The following MYRIP variants were observed in gnomAD, a reference collection of about 807,000 sequenced individuals.
The protein encoded by MYRIP is rab effector MyRIP.
A neutral mutation model predicts 98.0 loss-of-function variants in MYRIP; 49 were observed. The ratio of observed to expected loss-of-function variants is 0.50; its 90% CI spans 0.40 to 0.63. The LOEUF (loss-of-function observed/expected upper bound fraction) is 0.63. Ranked by LOEUF, MYRIP falls within the 30% of genes least tolerant of loss-of-function variation. The probability of loss-of-function intolerance (pLI) is 0.00; values close to 1 mark genes in which losing one functional copy is unlikely to be tolerated. For missense variants in MYRIP, 1,004 were observed against 1,058.2 expected, an observed-to-expected ratio of 0.95 and a Z score of 0.71; for synonymous variants, 404 against 409.5, an observed-to-expected ratio of 0.99 and a Z score of 0.16.
At chr3:40,209,827 CAT>C in intron 10 of MYRIP, 25 bp from the exon 11 acceptor site, 2 of 1,613,106 alleles carry the variant, frequency 1.2e-6, no homozygotes, top group Non-Finnish European at 1.7e-6. Flanking sequence ...GAGGGCTCCT[CAT>C]CTCATGATTC....
intron 5 of MYRIP, among the ~76,000 whole-genome samples, chr3:40,163,940 C>T (rs1950450335): frequency 6.6e-6 from 1 of 152,184 alleles, no homozygotes; most frequent in South Asian, 2.1e-4. Context: ...GGTTACCACA[C>T]ACCATTGTAT....
chr3:39,888,798 C>T (rs1326221831), intron 1 of MYRIP, among the ~76,000 whole-genome samples: 3 of 152,146 alleles, frequency 2.0e-5, no homozygotes, highest in Non-Finnish European at 4.4e-5. Context: ...AGGGTAATAT[C>T]CAGAATCTAC....
At chr3:40,017,693 C>CTTTTTT (rs904657247) in intron 2 of MYRIP, among the ~76,000 whole-genome samples, 40 of 114,774 alleles carry the variant, frequency 3.5e-4, no homozygotes, top group African/African-American at 8.6e-4. Context: ...TAATTTACTT[C>CTTTTTT]TTTTTTTTTT....
chr3:39,956,625 A>T (rs1338124185), intron 2 of MYRIP, among the ~76,000 whole-genome samples: 2 of 152,166 alleles, frequency 1.3e-5, no homozygotes, highest in Non-Finnish European at 2.9e-5. Context: ...AGAACTAGAG[A>T]AGCAAGAGCA....
At chr3:40,236,560 G>T (rs941668912) in intron 12 of MYRIP, among the ~76,000 whole-genome samples, 8 of 152,106 alleles carry the variant, frequency 5.3e-5, no homozygotes, top group African/African-American at 1.9e-4. Flanking sequence ...GATTTGTGAT[G>T]AAAAAAACAG....
chr3:40,041,529 C>T (rs545187783), intron 2 of MYRIP, among the ~76,000 whole-genome samples: 4 of 149,890 alleles, frequency 2.7e-5, no homozygotes, highest in Non-Finnish European at 4.5e-5. Flanking sequence ...GAGGAACATT[C>T]GACAAAATAG....
chr3:39,960,594 G>C (rs1326789570), intron 2 of MYRIP, among the ~76,000 whole-genome samples: 1 of 152,098 alleles, frequency 6.6e-6, no homozygotes, highest in Non-Finnish European at 1.5e-5. Context: ...TATTAAGACA[G>C]CACTATTTCT....
intron 3 of MYRIP, among the ~76,000 whole-genome samples, chr3:40,088,160 T>G (rs1948666925): frequency 6.6e-6 from 1 of 152,154 alleles, no homozygotes; most frequent in Admixed American, 6.5e-5. Flanking sequence ...TTTTGGCACC[T>G]GCTTTGATTG....
chr3:39,861,769 A>G (rs1353190315), intron 1 of MYRIP, among the ~76,000 whole-genome samples: 1 of 152,202 alleles, frequency 6.6e-6, no homozygotes, highest in African/African-American at 2.4e-5. Flanking sequence ...TAGCTCTCTG[A>G]AATAATTCAG....
chr3:39,995,256 T>C (rs942426607), intron 2 of MYRIP, among the ~76,000 whole-genome samples: 1 of 151,996 alleles, frequency 6.6e-6, no homozygotes, highest in African/African-American at 2.4e-5. Flanking sequence ...AGGAGGAAGT[T>C]CAAACCCATG....
At chr3:40,051,565 G>T (rs528040825) in intron 3 of MYRIP, among the ~76,000 whole-genome samples, 2 of 152,066 alleles carry the variant, frequency 1.3e-5, no homozygotes, top group East Asian at 3.9e-4. Context: ...TGTGATATTC[G>T]CTTTATTGTG....
Position 40,189,880 on chromosome 3 carries a change from G to A in MYRIP, c.1082G>A (p.Gly361Asp), listed in dbSNP as rs772201288. The change falls in exon 10 of 17, where the codon GGC becomes GAC. Residue 361 changes from glycine to aspartate, a missense_variant. This residue lies in a region of MYRIP where 880 missense variants were observed against 907.7 expected (regional missense o/e 0.97). Coordinates refer to ENST00000302541, the MANE Select transcript of MYRIP (RefSeq NM_015460.4). ...PDGNWVALKDGAPPPTRLLAK... is the reference protein window; with the variant it reads ...PDGNWVALKDDAPPPTRLLAK... ...GGGAACTGGGTGGCCCTGAAGGATG[G>A]CGCTCCACCCCCCACCCGACTACTG... is the stretch of plus-strand genomic sequence containing the variant. The A allele has an allele frequency of 1.1e-5, 17 of 1,614,002 alleles. No individual in the cohort carries two copies. The Admixed American group carries it at 2.8e-4, about 27-fold the overall frequency.
intron 2 of MYRIP, among the ~76,000 whole-genome samples, chr3:40,031,270 G>C (rs143489193): frequency 6.6e-6 from 1 of 152,046 alleles, no homozygotes; most frequent in African/African-American, 2.4e-5. Flanking sequence ...CATTCACGAG[G>C]ATTTTACTCT....
At chr3:40,144,693 GC>G (rs1189452602) in intron 3 of MYRIP, among the ~76,000 whole-genome samples, 1 of 152,142 alleles carries the variant, frequency 6.6e-6, no homozygotes, top group African/African-American at 2.4e-5. Flanking sequence ...TAGAAGCAAG[GC>G]TTTCTGTATT....
chr3:39,901,674 G>A (rs1943746663), intron 2 of MYRIP, among the ~76,000 whole-genome samples: 1 of 152,106 alleles, frequency 6.6e-6, no homozygotes, highest in Non-Finnish European at 1.5e-5. Flanking sequence ...TTTATTCACA[G>A]CACCATCTTC....
intron 1 of MYRIP, among the ~76,000 whole-genome samples, chr3:39,811,733 G>C (rs1353839584): frequency 1.3e-5 from 2 of 151,930 alleles, no homozygotes; most frequent in Non-Finnish European, 2.9e-5. Context: ...TGTATCTCTT[G>C]GTGGCGCAGT....
At chr3:40,062,791 G>A (rs1446911175) in intron 3 of MYRIP, among the ~76,000 whole-genome samples, 4 of 152,174 alleles carry the variant, frequency 2.6e-5, no homozygotes, top group Non-Finnish European at 5.9e-5. Flanking sequence ...TTATTGAAAT[G>A]ATCACTTCAC....
At chr3:39,987,269 C>T (rs898968119) in intron 2 of MYRIP, among the ~76,000 whole-genome samples, 5 of 152,110 alleles carry the variant, frequency 3.3e-5, no homozygotes, top group Admixed American at 2.6e-4. Context: ...TTGGTTTTCT[C>T]TTCCTGTGTT....
intron 1 of MYRIP, among the ~76,000 whole-genome samples, chr3:39,897,922 A>G (rs1943653794): frequency 6.6e-6 from 1 of 151,928 alleles, no homozygotes; most frequent in African/African-American, 2.4e-5. Context: ...GAATTCTCAG[A>G]AACCAAAAGC....
Sources: gnomAD v4.1 joint callset for allele counts (sites outside exome capture counted in the v4.1 genomes callset) on GRCh38, gnomAD v4.1.1 for gene constraint, gnomAD v4.1.1 regional missense constraint, MANE v1.5 for transcripts, NCBI Gene and HGNC (gene_info 2026-07-23, HGNC 2026-07-21) for gene names.